GPHN: variants seen among roughly 807,000 people sequenced by gnomAD.
GPHN encodes the protein gephyrin.
Under a neutral mutation model 95.5 loss-of-function variants are expected in GPHN, and 17 were observed. That is an observed-to-expected ratio of 0.18 (90% CI 0.12 to 0.27). GPHN has a LOEUF of 0.27. Among genes scored for constraint, GPHN ranks in the 10% least tolerant of loss-of-function variants. The probability of loss-of-function intolerance (pLI) is 1.00; values close to 1 mark genes in which losing one functional copy is unlikely to be tolerated. For synonymous variants in GPHN, 320 were observed against 322.5 expected (o/e 0.99, Z 0.08); for missense variants, 660 against 978.1 (o/e 0.67, Z 4.34).
chr14:67,046,035 C>T (rs146963313), intron 10 of GPHN, among the ~76,000 whole-genome samples: 3,018 of 152,112 alleles, frequency 0.02, 39 homozygotes, highest in Middle Eastern at 0.034. Context: ...TCTGGGTTTG[C>T]TTCTCCCTTG....
chr14:67,528,689 A>G, the GPHN span, among the ~76,000 whole-genome samples: 1 of 151,754 alleles, frequency 6.6e-6, no homozygotes, highest in Non-Finnish European at 1.5e-5. Flanking sequence ...GCCCCCATTC[A>G]CCTGGCTCTC....
intron 5 of GPHN, among the ~76,000 whole-genome samples, chr14:66,880,835 A>T (rs2063894474): frequency 6.6e-6 from 1 of 151,994 alleles, no homozygotes; most frequent in Non-Finnish European, 1.5e-5. Context: ...AGCAACTCTT[A>T]GATTTAGATC....
chr14:67,524,140 T>C, the GPHN span, among the ~76,000 whole-genome samples: 10 of 152,168 alleles, frequency 6.6e-5, no homozygotes, highest in Non-Finnish European at 1.5e-4. Flanking sequence ...GCTTTTGATA[T>C]TTATTTTTTT....
the GPHN span, among the ~76,000 whole-genome samples, chr14:67,273,633 T>C: frequency 1.3e-5 from 2 of 152,228 alleles, no homozygotes; most frequent in Non-Finnish European, 2.9e-5. Context: ...TTTGGGTATA[T>C]ACCCAGTAAT....
chr14:67,581,032 A>G, the GPHN span: 1 of 1,605,944 alleles, frequency 6.2e-7, no homozygotes, highest in African/African-American at 1.3e-5. Context: ...CTGATGTACA[A>G]GAACAGGTCC....
chr14:67,371,994 G>A, the GPHN span, among the ~76,000 whole-genome samples: 1 of 152,186 alleles, frequency 6.6e-6, no homozygotes, highest in Non-Finnish European at 1.5e-5. Flanking sequence ...GCTGGGCATG[G>A]TGGCTGAGGC....
chr14:66,578,866 T>C (rs772345341), intron 1 of GPHN, among the ~76,000 whole-genome samples: 2 of 151,746 alleles, frequency 1.3e-5, no homozygotes, highest in African/African-American at 2.4e-5. Flanking sequence ...ATTGGTAATA[T>C]GAAAACATAT....
chr14:67,612,227 A>T, the GPHN span, among the ~76,000 whole-genome samples: 4 of 152,196 alleles, frequency 2.6e-5, no homozygotes, highest in Non-Finnish European at 2.9e-5. Context: ...TGAATGGCCC[A>T]GGGGTTGGGG....
rs114984614 is a variant in GPHN, at chr14:66,653,040, G to A, written c.65-28067G>A. Among the ~76,000 whole-genome samples, 1,110 of 152,306 alleles carry A rather than the reference G, an allele frequency of 7.3e-3. 7 individuals carry two copies. Among genetic ancestry groups the A allele is most frequent in the African/African-American group, 0.025 (1,060 of 41,576 alleles). On this transcript the variant is annotated intron_variant, in intron 1 of 22. Transcript: ENST00000478722. Reference sequence around the variant, plus strand: ...GATCCCAGAGGTAGCTAGGATGCCAGTGTGTTTCTCTGCAGTTCCTTCACT... The same window carrying A: ...GATCCCAGAGGTAGCTAGGATGCCAATGTGTTTCTCTGCAGTTCCTTCACT...
the GPHN span, chr14:67,323,652 A>C: frequency 1.5e-6 from 1 of 674,584 alleles, no homozygotes; most frequent in East Asian, 3.2e-5. Flanking sequence ...ATTATTAGGA[A>C]GTAATTAAAT....
At chr14:66,782,406 C>T (rs2059636491) in intron 3 of GPHN, among the ~76,000 whole-genome samples, 1 of 152,018 alleles carries the variant, frequency 6.6e-6, no homozygotes, top group Non-Finnish European at 1.5e-5. Flanking sequence ...ATTATAATAT[C>T]TCTGTCATGT....
chr14:67,425,843 T>C, the GPHN span, among the ~76,000 whole-genome samples: 4 of 151,870 alleles, frequency 2.6e-5, no homozygotes, highest in African/African-American at 4.8e-5. Flanking sequence ...GATCTGATAG[T>C]ATCCTGAGAG....
intron 4 of GPHN, among the ~76,000 whole-genome samples, chr14:66,834,250 A>G (rs937146963): frequency 3.3e-5 from 5 of 152,124 alleles, no homozygotes; most frequent in African/African-American, 1.2e-4. Context: ...TAATTTTTCT[A>G]CCAGGCACAG....
At chr14:66,544,189 A>T (rs1332632814) in intron 1 of GPHN, among the ~76,000 whole-genome samples, 1 of 152,146 alleles carries the variant, frequency 6.6e-6, no homozygotes, top group East Asian at 1.9e-4. Flanking sequence ...TTGTGCACTG[A>T]TGATTCTCTC....
At chr14:67,585,233 C>A in the GPHN span, 6 of 199,542 alleles carry the variant, frequency 3.0e-5, no homozygotes, top group South Asian at 2.5e-4. Context: ...ATTCCCCTAA[C>A]AGAGCAGCTA....
At chr14:67,531,059 C>G in the GPHN span, among the ~76,000 whole-genome samples, 1 of 152,166 alleles carries the variant, frequency 6.6e-6, no homozygotes, top group Non-Finnish European at 1.5e-5. Context: ...GGCTTTTCTT[C>G]CCATCTCTCT....
At chr14:67,182,232 G>T (rs911462546), downstream of GPHN, among the ~76,000 whole-genome samples, 1 of 152,164 alleles carries the variant, frequency 6.6e-6, no homozygotes, top group Admixed American at 6.5e-5. Flanking sequence ...GTGTTAGAAA[G>T]GAAGTGAGAA....
intron 2 of GPHN, among the ~76,000 whole-genome samples, chr14:66,724,006 C>A (rs2070997621): frequency 6.6e-6 from 1 of 151,732 alleles, no homozygotes; most frequent in Admixed American, 6.6e-5. Flanking sequence ...CACACACACA[C>A]ACACACACAC....
the GPHN span, chr14:67,722,390 G>C: frequency 1.2e-5 from 7 of 578,894 alleles, no homozygotes; most frequent in South Asian, 1.4e-4. Flanking sequence ...ACCTAAGTAA[G>C]CTTCAAACCT....
Sources: allele counts gnomAD v4.1 joint callset (sites outside exome capture counted in the v4.1 genomes callset), GRCh38; gene constraint gnomAD v4.1.1; transcripts MANE v1.5; gene names NCBI Gene and HGNC (gene_info 2026-07-23, HGNC 2026-07-21).